Variants in DPP10 observed in about 807,000 individuals in gnomAD.
The protein encoded by DPP10 is inactive dipeptidyl peptidase 10.
DPP10 carries 33 observed loss-of-function variants against 120.9 expected under a neutral mutation model. The observed-to-expected ratio is 0.27, with a 90% CI of 0.21 to 0.37. DPP10 has a LOEUF of 0.37. Among genes scored for constraint, DPP10 ranks in the 10% least tolerant of loss-of-function variants. The pLI is 1.00. For synonymous variants in DPP10, 337 were observed against 326.1 expected (o/e 1.03, Z -0.36); for missense variants, 816 against 942.8 (o/e 0.87, Z 1.76).
intron 17 of DPP10, among the ~76,000 whole-genome samples, chr2:115,790,174 G>A (rs1186979721): frequency 1.3e-5 from 2 of 150,838 alleles, no homozygotes; most frequent in African/African-American, 2.4e-5. Flanking sequence ...CCGCTTCCCG[G>A]GTTCACGCCA....
chr2:115,134,196 T>C (rs1264204603), intron 1 of DPP10, among the ~76,000 whole-genome samples: 1 of 152,196 alleles, frequency 6.6e-6, no homozygotes, highest in Non-Finnish European at 1.5e-5. Context: ...TACATTTAAG[T>C]ACAAATTCAC....
intron 12 of DPP10, among the ~76,000 whole-genome samples, chr2:115,766,872 G>A (rs1370401368): frequency 6.6e-6 from 1 of 152,128 alleles, no homozygotes; most frequent in Non-Finnish European, 1.5e-5. Flanking sequence ...TCATGAGACA[G>A]CACCCAGCGG....
intron 1 of DPP10, among the ~76,000 whole-genome samples, chr2:114,977,242 C>CTA (rs1699810938): frequency 6.6e-6 from 1 of 152,106 alleles, no homozygotes; most frequent in Non-Finnish European, 1.5e-5. Flanking sequence ...AACACACACC[C>CTA]TACCCTTGAC....
chr2:114,958,479 T>C (rs760484868), intron 1 of DPP10, among the ~76,000 whole-genome samples: 2 of 152,172 alleles, frequency 1.3e-5, no homozygotes, highest in Non-Finnish European at 2.9e-5. Flanking sequence ...GAATGGTGAA[T>C]AGAATTAATG....
intron 5 of DPP10, among the ~76,000 whole-genome samples, chr2:115,591,688 G>A (rs1186037986): frequency 6.6e-6 from 1 of 152,140 alleles, no homozygotes; most frequent in East Asian, 1.9e-4. Flanking sequence ...CCAATTCTGT[G>A]AAGAAAGTCA....
At chr2:115,417,374 A>T (rs1474038022) in intron 3 of DPP10, among the ~76,000 whole-genome samples, 1 of 152,184 alleles carries the variant, frequency 6.6e-6, no homozygotes, top group East Asian at 1.9e-4. Context: ...GATGAGGAAA[A>T]AACTCAATTT....
At chr2:115,308,693 GTTTT>G (rs3068805) in intron 1 of DPP10, among the ~76,000 whole-genome samples, 67,338 of 126,664 alleles carry the variant, frequency 0.53, 16,750 homozygotes, top group Admixed American at 0.63. Flanking sequence ...ACTAAATCCT[GTTTT>G]TTTTTTTTTT....
intron 17 of DPP10, among the ~76,000 whole-genome samples, chr2:115,785,428 A>G (rs1270848514): frequency 6.6e-6 from 1 of 152,154 alleles, no homozygotes; most frequent in Non-Finnish European, 1.5e-5. Context: ...TCTTCTTTAT[A>G]CATTTCATAG....
intron 5 of DPP10, among the ~76,000 whole-genome samples, chr2:115,620,429 A>G (rs1313228234): frequency 6.6e-6 from 1 of 152,232 alleles, no homozygotes; most frequent in African/African-American, 2.4e-5. Context: ...CAGATTAGAA[A>G]ATCTTACATG....
chr2:114,923,472 C>CT (rs71394115), intron 1 of DPP10, among the ~76,000 whole-genome samples: 981 of 69,418 alleles, frequency 0.014, 29 homozygotes, highest in African/African-American at 0.02. Flanking sequence ...GCCTTTTTTC[C>CT]TTTTTTTTTT....
rs1404173730 is a variant in DPP10, at chr2:115,689,732, C to G, written c.487C>G (p.His163Asp). The change falls in exon 6 of 26, where the codon CAC (histidine) becomes GAC (aspartate). Residue 163 changes from histidine (H) to aspartate (D), a missense_variant. Transcript: ENST00000410059. ...TGCTTCATATGTGATTTACAACATA[C>G]ACACTAGGTAAGTTCTTTGATTTTC... ...YTASYVIYNI[H>D]TREVWELNPP... The G allele has an allele frequency of 2.5e-6, 4 of 1,598,132 alleles. No homozygotes were observed. The highest frequency in any genetic ancestry group is 2.2e-5 in the East Asian group (1 of 44,756).
intron 3 of DPP10, among the ~76,000 whole-genome samples, chr2:115,463,521 A>G (rs2105093082): frequency 6.6e-6 from 1 of 152,342 alleles, no homozygotes; most frequent in Non-Finnish European, 1.5e-5. Context: ...AGAGTGTTAC[A>G]TAAACACATA....
intron 1 of DPP10, among the ~76,000 whole-genome samples, chr2:114,571,609 C>A (rs1238682881): frequency 6.6e-6 from 1 of 151,968 alleles, no homozygotes; most frequent in South Asian, 2.1e-4. Flanking sequence ...ATGGAGGGAA[C>A]CAGAAAGTGG....
At chr2:115,445,717 G>A (rs1047349131) in intron 3 of DPP10, among the ~76,000 whole-genome samples, 20 of 152,154 alleles carry the variant, frequency 1.3e-4, no homozygotes, top group African/African-American at 4.6e-4. Flanking sequence ...CTGACCATGT[G>A]GTAGAAAAGA....
chr2:115,003,516 T>C (rs796617130), intron 1 of DPP10, among the ~76,000 whole-genome samples: 3 of 151,496 alleles, frequency 2.0e-5, no homozygotes, highest in Admixed American at 6.6e-5. Context: ...AAATCTAAAA[T>C]AAAAGTCCAA....
At chr2:115,241,879 G>C (rs943047859) in intron 1 of DPP10, among the ~76,000 whole-genome samples, 1 of 152,150 alleles carries the variant, frequency 6.6e-6, no homozygotes, top group African/African-American at 2.4e-5. Context: ...TTATCATAAA[G>C]ATTTTAATAT....
At chr2:115,115,695 T>A in intron 1 of DPP10, among the ~76,000 whole-genome samples, 1 of 152,216 alleles carries the variant, frequency 6.6e-6, no homozygotes, top group East Asian at 1.9e-4. Context: ...CCGCATGGCA[T>A]TTTTAAGTTA....
chr2:114,919,949 T>A (rs1451469344), intron 1 of DPP10, among the ~76,000 whole-genome samples: 2 of 152,164 alleles, frequency 1.3e-5, no homozygotes, highest in Non-Finnish European at 2.9e-5. Context: ...GCTAACAGCC[T>A]GGGGATCTCC....
At chr2:115,227,906 T>C (rs2057518836) in intron 1 of DPP10, among the ~76,000 whole-genome samples, 1 of 143,798 alleles carries the variant, frequency 7.0e-6, no homozygotes, top group African/African-American at 2.5e-5. Flanking sequence ...ATGAGATACA[T>C]CCGATTTCTT....
Sources: gnomAD v4.1 joint callset for allele counts (sites outside exome capture counted in the v4.1 genomes callset) on GRCh38, gnomAD v4.1.1 for gene constraint, MANE v1.5 for transcripts, NCBI Gene and HGNC (gene_info 2026-07-23, HGNC 2026-07-21) for gene names.